The following TAMM41 variants were observed in gnomAD, a reference collection of about 807,000 sequenced individuals.
TAMM41 encodes TAM41 mitochondrial translocator assembly and maintenance homolog.
In TAMM41, 36 loss-of-function variants were observed where a neutral mutation model predicts 44.1. The ratio of observed to expected loss-of-function variants is 0.82; its 90% CI spans 0.63 to 1.08. The LOEUF is 1.08. Ranked by LOEUF, TAMM41 falls within the 50% of genes least tolerant of loss-of-function variation. The probability of loss-of-function intolerance (pLI) is 0.00; values close to 1 mark genes in which losing one functional copy is unlikely to be tolerated. For synonymous variants in TAMM41, 164 were observed against 153.1 expected, an observed-to-expected ratio of 1.07 and a Z score of -0.53; for missense variants, 417 against 404.3, an observed-to-expected ratio of 1.03 and a Z score of -0.27.
At chr3:11,801,019 G>A (rs1159807326) in intron 7 of TAMM41, among the ~76,000 whole-genome samples, 1 of 150,766 alleles carries the variant, frequency 6.6e-6, no homozygotes, top group South Asian at 2.1e-4. Context: ...TTAACCTTAG[G>A]AGGTCAAGGC....
At position 11,816,356 on chromosome 3, in the gene TAMM41, G is replaced by A. The variant is rs116279650; in HGVS notation, c.708+836C>T. On this transcript the variant is annotated intron_variant, in intron 5 of 7. Coordinates refer to ENST00000455809, the MANE Select transcript of TAMM41 (RefSeq NM_001284401.2). ...TTCCCAGACATAATAAACAAAACAA[G>A]TGGGGAAAGAAGAGAATTTTGAATA... Among the ~76,000 whole-genome samples the A allele has an allele frequency of 2.5e-3, 375 of 152,118 alleles. 2 individuals carry two copies. The highest frequency in any genetic ancestry group is 8.6e-3 in the African/African-American group (359 of 41,510).
chr3:11,844,321 C>T lies in TAMM41; in HGVS notation c.136-110G>A, dbSNP rs913712996. ...GCAATTATGATCAATAGTCAGAAGG[C>T]CTGGTGCTGTCATCAGAAATGTGAG... On this transcript the variant is annotated intron_variant, in intron 1 of 7. Transcript: ENST00000455809. 1.2e-5 allele frequency: 12 copies of T among 1,010,242 alleles called. No individual in the cohort carries two copies. In the Admixed American group the frequency reaches 1.6e-4, roughly 14 times the overall value. The allele number at this position is 1,010,242 out of a possible 1,614,324, so 62.6% of individuals were successfully genotyped here. A position where few individuals can be genotyped will look rare whatever the true frequency, so the allele number is the denominator to read the frequency against.
the TAMM41 span, among the ~76,000 whole-genome samples, chr3:11,752,085 C>T: frequency 6.6e-6 from 1 of 152,150 alleles, no homozygotes; most frequent in African/African-American, 2.4e-5. Context: ...GAGTTGGTTC[C>T]TTCCGGTGGG....
the TAMM41 span, among the ~76,000 whole-genome samples, chr3:11,732,051 G>A: frequency 1.3e-5 from 2 of 151,992 alleles, no homozygotes; most frequent in African/African-American, 4.8e-5. Flanking sequence ...ATTTTTAGTG[G>A]AGGCGTGGTT....
At chr3:11,752,237 G>A in the TAMM41 span, among the ~76,000 whole-genome samples, 32 of 152,212 alleles carry the variant, frequency 2.1e-4, no homozygotes, top group Middle Eastern at 6.8e-3. Context: ...CATGGACCTC[G>A]GCGGTGAGTG....
the TAMM41 span, among the ~76,000 whole-genome samples, chr3:11,729,517 CTTTCTTTCTTTTCTTTCTTTCATTTTTT>C: frequency 1.4e-5 from 1 of 72,182 alleles, no homozygotes; most frequent in African/African-American, 4.9e-5. Flanking sequence ...TTCTTTCTTT[CTTTCTTTCTTTTCTTTCTTTCATTTTTT>C]TTTTTTTTTT....
intron 3 of TAMM41, among the ~76,000 whole-genome samples, chr3:11,836,393 G>A (rs1490870025): frequency 2.0e-5 from 3 of 152,204 alleles, no homozygotes; most frequent in African/African-American, 7.2e-5. Context: ...GCTAATAGGT[G>A]GCAGGACTGA....
the TAMM41 span, among the ~76,000 whole-genome samples, chr3:11,727,821 C>G: frequency 7.1e-6 from 1 of 141,832 alleles, no homozygotes; most frequent in Non-Finnish European, 1.5e-5. Context: ...GAGTCTAGCT[C>G]TGTTGCCCAG....
At chr3:11,774,655 C>A in the TAMM41 span, among the ~76,000 whole-genome samples, 1 of 149,900 alleles carries the variant, frequency 6.7e-6, no homozygotes, top group African/African-American at 2.5e-5. Flanking sequence ...AAATGTATTT[C>A]TCAGTCTGCA....
the TAMM41 span, among the ~76,000 whole-genome samples, chr3:11,777,408 G>C: frequency 6.6e-6 from 1 of 152,240 alleles, no homozygotes; most frequent in African/African-American, 2.4e-5. Context: ...CAGGATTAAT[G>C]TTTTAACCAA....
At chr3:11,782,971 A>G in the TAMM41 span, among the ~76,000 whole-genome samples, 3 of 152,200 alleles carry the variant, frequency 2.0e-5, no homozygotes, top group Non-Finnish European at 2.9e-5. Flanking sequence ...GACTCACTGC[A>G]ATGGAGAGCC....
chr3:11,807,881 C>T lies in TAMM41; in HGVS notation c.889G>A (p.Val297Met), dbSNP rs981343288. 7 of 1,526,784 alleles carry T rather than the reference C, an allele frequency of 4.6e-6. No homozygotes were observed. In the African/African-American group the frequency reaches 5.5e-5, roughly 12 times the overall value. 94.6% of individuals were successfully genotyped at this position (1,526,784 alleles called of 1,614,324 possible). ...DVVRLGLSAI[V>M]RPSSIRQSTK... The stretch of plus-strand genomic sequence containing the variant: ...CTCTGTCTTATACTAGACGGTCTCA[C>T]GATTGCTGAAAGCCCTGCGAGAAAA... The change falls in exon 7 of 8, where the codon GTG becomes ATG. Residue 297 changes from valine to methionine, a missense_variant. Transcript: ENST00000455809.
the TAMM41 span, among the ~76,000 whole-genome samples, chr3:11,733,998 G>A: frequency 6.6e-6 from 1 of 151,586 alleles, no homozygotes; most frequent in Non-Finnish European, 1.5e-5. Flanking sequence ...GAAGGCACAC[G>A]TCCTTCCTCA....
At chr3:11,840,780 G>C (rs374314946) in intron 2 of TAMM41, among the ~76,000 whole-genome samples, 1 of 151,976 alleles carries the variant, frequency 6.6e-6, no homozygotes, top group Non-Finnish European at 1.5e-5. Context: ...TTCCTCATTT[G>C]AGAAATAAAA....
chr3:11,785,632 TCA>T (rs2077412283), downstream of TAMM41, among the ~76,000 whole-genome samples: 1 of 150,574 alleles, frequency 6.6e-6, no homozygotes, highest in African/African-American at 2.4e-5. Flanking sequence ...CCTGTTTTTT[TCA>T]GTCAGAGTCT....
chr3:11,753,736 C>CA, the TAMM41 span, among the ~76,000 whole-genome samples: 111 of 142,608 alleles, frequency 7.8e-4, no homozygotes, highest in East Asian at 3.8e-3. Context: ...GACTCCGTCT[C>CA]AAAAAAAAAA....
At chr3:11,808,777 G>C in intron 6 of TAMM41, 1 of 244,198 alleles carries the variant, frequency 4.1e-6, no homozygotes, top group Non-Finnish European at 6.6e-6. Context: ...CAAGCCTGGA[G>C]TGTAGTGGTG....
chr3:11,768,007 G>C, the TAMM41 span, among the ~76,000 whole-genome samples: 1 of 151,132 alleles, frequency 6.6e-6, no homozygotes, highest in African/African-American at 2.4e-5. Context: ...TCACACCTGT[G>C]GGGGTGAATA....
At chr3:11,758,647 G>A in the TAMM41 span, among the ~76,000 whole-genome samples, 7 of 147,306 alleles carry the variant, frequency 4.8e-5, no homozygotes, top group Non-Finnish European at 6.0e-5. Context: ...CACTGCACCC[G>A]GCCAGATCTG....
Sources: allele counts gnomAD v4.1 joint callset (sites outside exome capture counted in the v4.1 genomes callset), GRCh38; gene constraint gnomAD v4.1.1; transcripts MANE v1.5; gene names NCBI Gene and HGNC (gene_info 2026-07-23, HGNC 2026-07-21).